PLGRKT: variants seen among roughly 807,000 people sequenced by gnomAD.
PLGRKT encodes the protein plasminogen receptor with a C-terminal lysine.
PLGRKT carries 22 observed loss-of-function variants against 18.5 expected under a neutral mutation model. The observed-to-expected ratio is 1.19, with a 90% CI of 0.85 to 1.70. The LOEUF is 1.70. Among genes scored for constraint, PLGRKT ranks in the 40% most tolerant of loss-of-function variants. The probability of loss-of-function intolerance (pLI) is 0.00; values close to 1 mark genes in which losing one functional copy is unlikely to be tolerated. For missense variants in PLGRKT, 235 were observed against 174.4 expected, an observed-to-expected ratio of 1.35 and a Z score of -1.96; for synonymous variants, 72 against 52.8, an observed-to-expected ratio of 1.36 and a Z score of -1.58.
rs559088552 is a variant in PLGRKT, at chr9:5,403,307, T to A, written c.81+28590A>T. ...GGTGCGATCTCCGCTCACTGCAACC[T>A]CTGCCTCCCGGGTTCAAGTGATTCT... On this transcript the variant is annotated intron_variant, in intron 3 of 5. Coordinates refer to ENST00000223864, the MANE Select transcript of PLGRKT (RefSeq NM_018465.4). Among the ~76,000 whole-genome samples the A allele has an allele frequency of 2.3e-4, 35 of 149,832 alleles. 3 individuals carry two copies. The highest frequency in any genetic ancestry group is 8.2e-4 in the African/African-American group (33 of 40,382).
At chr9:5,370,805 A>T (rs1272569207) in intron 3 of PLGRKT, among the ~76,000 whole-genome samples, 1 of 152,228 alleles carries the variant, frequency 6.6e-6, no homozygotes, top group Admixed American at 6.5e-5. Context: ...TGTTAAAACA[A>T]AGCAGCCATA....
intron 3 of PLGRKT, among the ~76,000 whole-genome samples, chr9:5,399,157 C>G (rs1818106881): frequency 1.3e-5 from 2 of 151,848 alleles, no homozygotes; most frequent in Non-Finnish European, 2.9e-5. Flanking sequence ...TAGTATCTGT[C>G]TCAATCATCT....
intron 3 of PLGRKT, among the ~76,000 whole-genome samples, chr9:5,412,336 A>G (rs2131146131): frequency 6.6e-6 from 1 of 152,358 alleles, no homozygotes. Flanking sequence ...CAATAAATGA[A>G]GCTATACAAG....
At position 5,418,048 on chromosome 9, in the gene PLGRKT, G is replaced by A. The variant is rs1230388355; in HGVS notation, c.81+13849C>T. ...ATTGTACGCACTTGTGGAGTTTAAC[G>A]TCTAAGTAGAATATGTCTATCTCGT... is the stretch of plus-strand genomic sequence containing the variant. On this transcript the variant is annotated intron_variant, in intron 3 of 5. Coordinates refer to ENST00000223864, the MANE Select transcript of PLGRKT (RefSeq NM_018465.4). The surrounding 1 kb of genome is among the most constrained non-coding windows in gnomAD (Gnocchi z 4.2). Among the ~76,000 whole-genome samples the A allele has an allele frequency of 6.6e-6, 1 of 152,120 alleles. No individual in the cohort carries two copies. Among genetic ancestry groups the A allele is most frequent in the African/African-American group, 2.4e-5 (1 of 41,406 alleles).
At chr9:5,397,161 C>T (rs970705820) in intron 3 of PLGRKT, among the ~76,000 whole-genome samples, 1 of 151,882 alleles carries the variant, frequency 6.6e-6, no homozygotes, top group Non-Finnish European at 1.5e-5. Flanking sequence ...CTACTAGTGG[C>T]AACAGATTGT....
intron 3 of PLGRKT, chr9:5,381,877 C>T: frequency 2.0e-6 from 2 of 984,744 alleles, no homozygotes; most frequent in Non-Finnish European, 1.2e-6. Context: ...CTCACAGATC[C>T]TTAAGTTGTA....
intron 3 of PLGRKT, among the ~76,000 whole-genome samples, chr9:5,378,155 A>C (rs1254130137): frequency 1.3e-5 from 2 of 152,116 alleles, no homozygotes; most frequent in Non-Finnish European, 2.9e-5. Context: ...CAGGCAACCA[A>C]GGGCTACCAG....
intron 1 of PLGRKT, among the ~76,000 whole-genome samples, chr9:5,437,166 T>C (rs1818976079): frequency 6.6e-6 from 1 of 152,184 alleles, no homozygotes; most frequent in South Asian, 2.1e-4. Context: ...GGTGTATTTC[T>C]GGGGAGGAGA....
intron 3 of PLGRKT, among the ~76,000 whole-genome samples, chr9:5,380,761 C>T (rs1230719711): frequency 6.6e-6 from 1 of 152,154 alleles, no homozygotes; most frequent in African/African-American, 2.4e-5. Flanking sequence ...GAGTGCCTTG[C>T]ACATAATAGA....
At chr9:5,358,712 T>A (rs1192091860) in intron 5 of PLGRKT, among the ~76,000 whole-genome samples, 1 of 152,208 alleles carries the variant, frequency 6.6e-6, no homozygotes, top group Non-Finnish European at 1.5e-5. Context: ...CATTGTCCTT[T>A]AATATAAGTG....
At chr9:5,394,490 G>A (rs1215501536) in intron 3 of PLGRKT, among the ~76,000 whole-genome samples, 2 of 152,010 alleles carry the variant, frequency 1.3e-5, no homozygotes, top group East Asian at 3.9e-4. Flanking sequence ...TCAGCTCACT[G>A]CAACTTCCGC....
chr9:5,415,179 AG>A (rs1313639229), intron 3 of PLGRKT, among the ~76,000 whole-genome samples: 2 of 152,244 alleles, frequency 1.3e-5, no homozygotes, highest in Non-Finnish European at 2.9e-5. Flanking sequence ...TACTCAAAAA[AG>A]GATGGGTTCT....
chr9:5,426,268 G>A (rs973617487), intron 3 of PLGRKT, among the ~76,000 whole-genome samples: 1 of 152,016 alleles, frequency 6.6e-6, no homozygotes, highest in Non-Finnish European at 1.5e-5. Flanking sequence ...GAGATTCGCT[G>A]GTGTTCATCT....
chr9:5,390,971 G>C (rs1233767149), intron 3 of PLGRKT, among the ~76,000 whole-genome samples: 3 of 151,862 alleles, frequency 2.0e-5, no homozygotes. Context: ...GGGTTTTCTT[G>C]TTTTTTGTTT....
chr9:5,393,977 G>A (rs1817996997), intron 3 of PLGRKT, among the ~76,000 whole-genome samples: 1 of 151,814 alleles, frequency 6.6e-6, no homozygotes, highest in East Asian at 1.9e-4. Context: ...TTACCTTATA[G>A]TGAGATACAT....
intron 3 of PLGRKT, among the ~76,000 whole-genome samples, chr9:5,422,735 G>A (rs1818601661): frequency 6.6e-6 from 1 of 152,046 alleles, no homozygotes; most frequent in Non-Finnish European, 1.5e-5. Context: ...AATATTACAG[G>A]TAAATAGAAA....
At chr9:5,434,847 T>C (rs539804677) in intron 2 of PLGRKT, among the ~76,000 whole-genome samples, 15 of 150,484 alleles carry the variant, frequency 1.0e-4, no homozygotes, top group African/African-American at 3.7e-4. Context: ...GAACGGGCCA[T>C]GATGACGATG....
intron 3 of PLGRKT, among the ~76,000 whole-genome samples, chr9:5,398,407 A>G (rs2131123712): frequency 6.6e-6 from 1 of 152,120 alleles, no homozygotes; most frequent in South Asian, 2.1e-4. Flanking sequence ...GAGAGAAGTT[A>G]ACTCTGTTAA....
chr9:5,427,897 G>C (rs1004766899), intron 3 of PLGRKT, among the ~76,000 whole-genome samples: 5 of 152,204 alleles, frequency 3.3e-5, no homozygotes, highest in Admixed American at 6.5e-5. Flanking sequence ...GTGAGGATGG[G>C]AAAGTGGAAT....
Sources: gnomAD v4.1 joint callset for allele counts (sites outside exome capture counted in the v4.1 genomes callset) on GRCh38, gnomAD v4.1.1 for gene constraint, Gnocchi (gnomAD v3.1) non-coding constraint, MANE v1.5 for transcripts, NCBI Gene and HGNC (gene_info 2026-07-23, HGNC 2026-07-21) for gene names.